CEP57L1: variants seen among roughly 807,000 people sequenced by gnomAD.
The protein encoded by CEP57L1 is centrosomal protein CEP57L1.
CEP57L1 carries 37 observed loss-of-function variants against 61.0 expected under a neutral mutation model. The observed-to-expected ratio is 0.61, with a 90% CI of 0.47 to 0.80. CEP57L1 has a LOEUF of 0.80. Among genes scored for constraint, CEP57L1 ranks in the 30% least tolerant of loss-of-function variants. CEP57L1 has a pLI of 0.00. For synonymous variants in CEP57L1, 137 were observed against 162.3 expected, an observed-to-expected ratio of 0.84 and a Z score of 1.19; for missense variants, 422 against 524.7, an observed-to-expected ratio of 0.80 and a Z score of 1.91.
At chr6:109,100,450 C>T (rs900886788) in intron 1 of CEP57L1, among the ~76,000 whole-genome samples, 5 of 151,208 alleles carry the variant, frequency 3.3e-5, no homozygotes, top group African/African-American at 7.3e-5. Flanking sequence ...TGAGGTGGGC[C>T]GATCACTTGA....
intron 1 of CEP57L1, among the ~76,000 whole-genome samples, chr6:109,135,012 C>A (rs564689036): frequency 5.9e-5 from 9 of 152,154 alleles, no homozygotes; most frequent in Admixed American, 5.9e-4. Context: ...AGATTCAATG[C>A]CATCCCCATC....
intron 1 of CEP57L1, among the ~76,000 whole-genome samples, chr6:109,101,212 A>C (rs1782358455): frequency 6.6e-6 from 1 of 152,236 alleles, no homozygotes; most frequent in South Asian, 2.1e-4. Context: ...TCACAGTTAC[A>C]TTTTAGAAGA....
chr6:109,139,286 T>A (rs751992967), intron 1 of CEP57L1, among the ~76,000 whole-genome samples: 1 of 152,134 alleles, frequency 6.6e-6, no homozygotes, highest in Non-Finnish European at 1.5e-5. Context: ...TTAAAACTTA[T>A]GAATGGTTTC....
chr6:109,105,091 A>G (rs1562496544), intron 1 of CEP57L1, among the ~76,000 whole-genome samples: 1 of 152,042 alleles, frequency 6.6e-6, no homozygotes, highest in African/African-American at 2.4e-5. Flanking sequence ...TATAGGATAG[A>G]ACTTGTTTCT....
rs1774348097 is a variant in CEP57L1 at position 109,170,428 on chromosome 6, C to T, written c.*7458C>T. ...GTTGTTGTTGTTGTTGTTAGTTTGC[C>T]TTAAAGTTAAATGTACATTGACCTT... On this transcript the variant is annotated 3_prime_UTR_variant, in exon 11 of 11. Coordinates refer to ENST00000517392, the MANE Select transcript of CEP57L1 (RefSeq NM_001271852.3). Among the ~76,000 whole-genome samples the T allele has an allele frequency of 1.3e-5, 2 of 152,164 alleles. No homozygotes were observed. Among genetic ancestry groups the T allele is most frequent in the African/African-American group, 4.8e-5 (2 of 41,528 alleles).
chr6:109,169,334 A>G lies in CEP57L1; in HGVS notation c.*6364A>G, dbSNP rs1259492965. Among the ~76,000 whole-genome samples, 1 of 152,076 alleles carries G rather than the reference A, an allele frequency of 6.6e-6. No homozygotes were observed. The highest frequency in any genetic ancestry group is 1.5e-5 in the Non-Finnish European group (1 of 67,998). On this transcript the variant is annotated 3_prime_UTR_variant, in exon 11 of 11. Coordinates refer to ENST00000517392, the MANE Select transcript of CEP57L1 (RefSeq NM_001271852.3). ...GTTGTCATTTTTAATGTAGCCCTAA[A>G]TGTTTTTTAGGGAAGAAAAAGTTGG...
At position 109,155,299 on chromosome 6, in the gene CEP57L1, G is replaced by T. The variant is rs1025289155; in HGVS notation, c.649G>T (p.Ala217Ser). Residue 217 changes from alanine to serine, a missense_variant, in exon 6 of 11, where the codon GCT becomes TCT. By Grantham distance (99) the Ala-to-Ser change is moderately conservative (BLOSUM62 1). Transcript: ENST00000517392. ...EHQRKLFQDK[A>S]SELQTGLEIS... ...TCAGCGTAAGCTATTTCAAGACAAAGCTTCTGAGGTAAATATAGCACTATA... is the reference window on the plus strand; with the variant it reads ...TCAGCGTAAGCTATTTCAAGACAAATCTTCTGAGGTAAATATAGCACTATA... 1.3e-6 allele frequency: 2 copies of T among 1,569,794 alleles called. No individual in the cohort carries two copies. Among genetic ancestry groups the T allele is most frequent in the South Asian group, 2.4e-5 (2 of 85,018 alleles).
Position 109,154,558 on chromosome 6 carries a change from A to C in CEP57L1, c.579+609A>C, listed in dbSNP as rs371068152. Among the ~76,000 whole-genome samples the C allele has an allele frequency of 2.8e-4, 43 of 152,218 alleles. No individual in the cohort carries two copies. The East Asian group carries it at 4.8e-3, about 17-fold the overall frequency. On this transcript the variant is annotated intron_variant, in intron 5 of 10. Coordinates refer to ENST00000517392, the MANE Select transcript of CEP57L1 (RefSeq NM_001271852.3). ...CATACAATACAGGTTGGGTGTCCTTAATCCAAAAATCCAAAATCTGATATA... is the reference window on the plus strand; with the variant it reads ...CATACAATACAGGTTGGGTGTCCTTCATCCAAAAATCCAAAATCTGATATA...
At chr6:109,118,669 A>G (rs1037213462) in intron 1 of CEP57L1, among the ~76,000 whole-genome samples, 1 of 152,246 alleles carries the variant, frequency 6.6e-6, no homozygotes, top group African/African-American at 2.4e-5. Context: ...TACCAAGGAA[A>G]GCAATGTTAT....
chr6:109,133,309 G>A (rs1010851002), intron 1 of CEP57L1, among the ~76,000 whole-genome samples: 4 of 152,070 alleles, frequency 2.6e-5, no homozygotes, highest in Admixed American at 1.3e-4. Context: ...ACATTAGTTC[G>A]ATTCTCATAA....
At chr6:109,105,273 G>T (rs114876916) in intron 1 of CEP57L1, among the ~76,000 whole-genome samples, 2 of 151,974 alleles carry the variant, frequency 1.3e-5, no homozygotes, top group African/African-American at 2.4e-5. Context: ...AGTCTGAAAC[G>T]TACTCTATAT....
intron 3 of CEP57L1, among the ~76,000 whole-genome samples, chr6:109,149,576 G>T (rs566399950): frequency 0.079 from 12,046 of 151,832 alleles, 632 homozygotes; most frequent in Middle Eastern, 0.2. Flanking sequence ...TTGTTCTTTT[G>T]GCTTAGGATT....
At chr6:109,153,785 C>A in intron 4 of CEP57L1, 48 bp from the exon 5 acceptor site, 1 of 990,102 alleles carries the variant, frequency 1.0e-6, no homozygotes, top group East Asian at 2.4e-5. Context: ...GTTCCATTGG[C>A]ATTACTTGCC....
At chr6:109,134,724 A>G (rs1291399533) in intron 1 of CEP57L1, among the ~76,000 whole-genome samples, 1 of 152,242 alleles carries the variant, frequency 6.6e-6, no homozygotes, top group African/African-American at 2.4e-5. Context: ...GTCTCAGGAT[A>G]CAAAATCAAT....
chr6:109,151,505 A>G (rs1772613367), intron 4 of CEP57L1, among the ~76,000 whole-genome samples: 1 of 152,082 alleles, frequency 6.6e-6, no homozygotes, highest in Non-Finnish European at 1.5e-5. Flanking sequence ...GTTTTCATAC[A>G]TTTTATTTCT....
intron 2 of CEP57L1, among the ~76,000 whole-genome samples, chr6:109,146,278 A>T (rs1005833078): frequency 6.6e-6 from 1 of 151,912 alleles, no homozygotes; most frequent in Non-Finnish European, 1.5e-5. Context: ...CTGGTTCTTA[A>T]TACTGCATCA....
At chr6:109,139,045 G>C (rs1771052828) in intron 1 of CEP57L1, among the ~76,000 whole-genome samples, 1 of 152,136 alleles carries the variant, frequency 6.6e-6, no homozygotes, top group African/African-American at 2.4e-5. Flanking sequence ...TTGCCAGCAT[G>C]ACTACTCTTG....
intron 1 of CEP57L1, among the ~76,000 whole-genome samples, chr6:109,116,107 T>G (rs947629465): frequency 1.4e-3 from 206 of 149,646 alleles, no homozygotes; most frequent in African/African-American, 4.9e-3. Flanking sequence ...TTTATTTTAT[T>G]TTATTTTATG....
At position 109,169,765 on chromosome 6, in the gene CEP57L1, G is replaced by A. The variant is rs1583703824; in HGVS notation, c.*6795G>A. Among the ~76,000 whole-genome samples the A allele has an allele frequency of 6.6e-6, 1 of 152,166 alleles. No homozygotes were observed. Among genetic ancestry groups the A allele is most frequent in the Admixed American group, 6.5e-5 (1 of 15,278 alleles). ...AGTTTTACAACCAATAAGAATGTGA[G>A]ATTTGTCGGAGAAAAACTATCTGCA... On this transcript the variant is annotated 3_prime_UTR_variant, in exon 11 of 11. Coordinates refer to ENST00000517392, the MANE Select transcript of CEP57L1 (RefSeq NM_001271852.3).
Sources: gnomAD v4.1 joint callset for allele counts (sites outside exome capture counted in the v4.1 genomes callset) on GRCh38, gnomAD v4.1.1 for gene constraint, MANE v1.5 for transcripts, NCBI Gene and HGNC (gene_info 2026-07-23, HGNC 2026-07-21) for gene names.